GRID2: variants seen among roughly 807,000 people sequenced by gnomAD.
GRID2 encodes the protein glutamate ionotropic receptor delta type subunit 2.
Under a neutral mutation model 114.8 loss-of-function variants are expected in GRID2, and 33 were observed. That is an observed-to-expected ratio of 0.29 (90% CI 0.22 to 0.38). GRID2 has a LOEUF of 0.38. Ranked by LOEUF, GRID2 falls within the 10% of genes least tolerant of loss-of-function variation. GRID2 has a pLI of 1.00. For synonymous variants in GRID2, 505 were observed against 449.9 expected, an observed-to-expected ratio of 1.12 and a Z score of -1.55; for missense variants, 1,184 against 1,257.7, an observed-to-expected ratio of 0.94 and a Z score of 0.89.
At chr4:92,419,293 TC>T (rs1435738938) in intron 1 of GRID2, among the ~76,000 whole-genome samples, 2 of 152,098 alleles carry the variant, frequency 1.3e-5, no homozygotes, top group Non-Finnish European at 2.9e-5. Flanking sequence ...GATTTAAACC[TC>T]CTAAAACTCT....
chr4:92,872,161 T>C (rs1406129500), intron 2 of GRID2, among the ~76,000 whole-genome samples: 2 of 152,194 alleles, frequency 1.3e-5, no homozygotes, highest in Non-Finnish European at 2.9e-5. Flanking sequence ...TTTCATATCA[T>C]AATTATGTTA....
chr4:92,767,135 T>G (rs1738305032), intron 2 of GRID2, among the ~76,000 whole-genome samples: 1 of 152,214 alleles, frequency 6.6e-6, no homozygotes, highest in Non-Finnish European at 1.5e-5. Context: ...TCCACTGCTC[T>G]CAGATACTTC....
intron 2 of GRID2, among the ~76,000 whole-genome samples, chr4:92,945,303 A>T (rs535134998): frequency 1.1e-3 from 175 of 152,252 alleles, no homozygotes; most frequent in Middle Eastern, 3.4e-3. Context: ...TTTTAAAGTC[A>T]TTGTTCTATT....
intron 2 of GRID2, among the ~76,000 whole-genome samples, chr4:92,657,804 C>T (rs1440712608): frequency 7.9e-5 from 12 of 151,450 alleles, no homozygotes; most frequent in Non-Finnish European, 1.0e-4. Context: ...ATGGAGTTTC[C>T]CTTGTCATTC....
At chr4:92,848,233 T>TC (rs1477162470) in intron 2 of GRID2, among the ~76,000 whole-genome samples, 1 of 147,812 alleles carries the variant, frequency 6.8e-6, no homozygotes. Flanking sequence ...TTTTTTTTTT[T>TC]CACAGAGATC....
intron 2 of GRID2, among the ~76,000 whole-genome samples, chr4:92,679,470 TCA>T (rs1733539076): frequency 6.6e-6 from 1 of 152,080 alleles, no homozygotes; most frequent in South Asian, 2.1e-4. Flanking sequence ...CAGATGTTTT[TCA>T]CTATACCTAT....
intron 1 of GRID2, among the ~76,000 whole-genome samples, chr4:92,411,458 C>A (rs938495676): frequency 1.3e-5 from 2 of 151,726 alleles, no homozygotes; most frequent in Non-Finnish European, 2.9e-5. Context: ...AAATATGTTA[C>A]TTTATTCTTA....
At chr4:93,649,339 C>A (rs891525032) in intron 14 of GRID2, among the ~76,000 whole-genome samples, 1 of 152,108 alleles carries the variant, frequency 6.6e-6, no homozygotes, top group African/African-American at 2.4e-5. Flanking sequence ...AGACTTTCAC[C>A]TAAGCCAATA....
intron 8 of GRID2, among the ~76,000 whole-genome samples, chr4:93,288,686 AT>A (rs1386740797): frequency 3.3e-5 from 5 of 152,206 alleles, no homozygotes; most frequent in African/African-American, 1.2e-4. Context: ...CTAACCATAC[AT>A]TGATATGTTG....
chr4:92,669,059 G>A (rs371367624), intron 2 of GRID2, among the ~76,000 whole-genome samples: 16 of 151,580 alleles, frequency 1.1e-4, no homozygotes, highest in African/African-American at 3.9e-4. Flanking sequence ...ATATTGATAC[G>A]GTTTTAAAAA....
intron 1 of GRID2, among the ~76,000 whole-genome samples, chr4:92,506,279 T>G (rs1256305614): frequency 4.6e-5 from 7 of 151,940 alleles, no homozygotes. Flanking sequence ...ATAAATGAGT[T>G]GAGCTGCTTT....
At chr4:93,183,013 C>A (rs1343245471) in intron 4 of GRID2, among the ~76,000 whole-genome samples, 4 of 152,168 alleles carry the variant, frequency 2.6e-5, no homozygotes, top group Admixed American at 1.3e-4. Context: ...CTATACTGGC[C>A]TTAGGATAAT....
intron 3 of GRID2, among the ~76,000 whole-genome samples, chr4:93,089,809 T>C (rs1441922850): frequency 6.6e-6 from 1 of 152,116 alleles, no homozygotes; most frequent in Non-Finnish European, 1.5e-5. Context: ...GGCTTTTAGA[T>C]TGTATAGAGA....
At chr4:92,980,255 A>T (rs1367273615) in intron 2 of GRID2, among the ~76,000 whole-genome samples, 1 of 152,064 alleles carries the variant, frequency 6.6e-6, no homozygotes, top group African/African-American at 2.4e-5. Flanking sequence ...TAAAAATATT[A>T]AGTCTATGTA....
chr4:92,542,145 A>G (rs376255262), intron 1 of GRID2, among the ~76,000 whole-genome samples: 4 of 152,224 alleles, frequency 2.6e-5, no homozygotes, highest in African/African-American at 9.6e-5. Context: ...CTGATATGGT[A>G]TAATAATTAT....
intron 2 of GRID2, among the ~76,000 whole-genome samples, chr4:92,933,534 T>G (rs1750403543): frequency 6.6e-6 from 1 of 151,456 alleles, no homozygotes; most frequent in Non-Finnish European, 1.5e-5. Context: ...CAAGAATAAG[T>G]GATGTGGATG....
At chr4:92,512,399 C>T (rs994278147) in intron 1 of GRID2, among the ~76,000 whole-genome samples, 6 of 151,732 alleles carry the variant, frequency 4.0e-5, no homozygotes, top group South Asian at 2.1e-4. Context: ...TGGATATATA[C>T]GATTATTTTA....
At chr4:92,314,862 G>T (rs887409089) in intron 1 of GRID2, among the ~76,000 whole-genome samples, 2 of 152,130 alleles carry the variant, frequency 1.3e-5, no homozygotes, top group African/African-American at 4.8e-5. Flanking sequence ...AGTAATTACA[G>T]GGCAAAGTTT....
intron 8 of GRID2, among the ~76,000 whole-genome samples, chr4:93,312,380 C>T (rs376312331): frequency 6.6e-6 from 1 of 152,152 alleles, no homozygotes; most frequent in African/African-American, 2.4e-5. Flanking sequence ...TTTGAAGTCT[C>T]TGTACTAAAT....
Sources: allele counts gnomAD v4.1 joint callset (sites outside exome capture counted in the v4.1 genomes callset), GRCh38; gene constraint gnomAD v4.1.1; transcripts MANE v1.5; gene names NCBI Gene and HGNC (gene_info 2026-07-23, HGNC 2026-07-21).